The following ST3GAL3 variants were observed in gnomAD, a reference collection of about 807,000 sequenced individuals.
ST3GAL3 encodes CMP-N-acetylneuraminate-beta-1,4-galactoside alpha-2,3-sialyltransferase.
ST3GAL3 carries 21 observed loss-of-function variants against 50.1 expected under a neutral mutation model. The ratio of observed to expected loss-of-function variants is 0.42; its 90% CI spans 0.30 to 0.60. ST3GAL3 has a LOEUF of 0.60. Among genes scored for constraint, ST3GAL3 ranks in the 20% least tolerant of loss-of-function variants. The pLI, the probability that ST3GAL3 is intolerant of heterozygous loss-of-function variation, is 0.19. For missense variants in ST3GAL3, 353 were observed against 489.4 expected, an observed-to-expected ratio of 0.72 and a Z score of 2.63; for synonymous variants, 183 against 190.0, an observed-to-expected ratio of 0.96 and a Z score of 0.30.
At chr1:43,857,469 CTCCTTCCTTCCT>C (rs5773815) in intron 5 of ST3GAL3, among the ~76,000 whole-genome samples, 1 of 129,330 alleles carries the variant, frequency 7.7e-6, no homozygotes, top group Non-Finnish European at 1.7e-5. Context: ...GTGTATTTCC[CTCCTTCCTTCCT>C]TCCTTCCTTC....
At chr1:43,911,056 AC>A (rs2080728014) in intron 9 of ST3GAL3, 1 of 152,030 alleles carries the variant, frequency 6.6e-6, no homozygotes, top group Non-Finnish European at 1.5e-5. Flanking sequence ...CTCTGTGCGT[AC>A]CCTAAGCCCA....
chr1:43,723,308 C>T (rs1475143596), intron 1 of ST3GAL3, among the ~76,000 whole-genome samples: 1 of 151,278 alleles, frequency 6.6e-6, no homozygotes, highest in Non-Finnish European at 1.5e-5. Context: ...GGGATTTCAC[C>T]ATGTTGGCCA....
intron 1 of ST3GAL3, among the ~76,000 whole-genome samples, chr1:43,722,508 G>C (rs1670965727): frequency 6.6e-6 from 1 of 152,228 alleles, no homozygotes; most frequent in Admixed American, 6.5e-5. Context: ...ATTGGCTGCT[G>C]TGTGGAGAAT....
chr1:43,752,618 A>G (rs911890130), intron 2 of ST3GAL3, among the ~76,000 whole-genome samples: 3 of 151,974 alleles, frequency 2.0e-5, no homozygotes, highest in Non-Finnish European at 4.4e-5. Flanking sequence ...CTCCCATCTC[A>G]TCCTCCCATG....
chr1:43,807,417 A>AAAATAAATAAATAAAT (rs59894927), intron 3 of ST3GAL3, among the ~76,000 whole-genome samples: 17,282 of 142,484 alleles, frequency 0.12, 1,140 homozygotes, highest in Non-Finnish European at 0.13. Context: ...CTCTGTCTCA[A>AAAATAAATAAATAAAT]AAATAAATAA....
At chr1:43,728,225 C>G (rs1673888343) in intron 1 of ST3GAL3, among the ~76,000 whole-genome samples, 2 of 152,050 alleles carry the variant, frequency 1.3e-5, no homozygotes, top group Admixed American at 1.3e-4. Flanking sequence ...ATGGCTGCAC[C>G]CTGCTTCTTG....
At chr1:43,862,893 G>A (rs2070363944) in intron 5 of ST3GAL3, among the ~76,000 whole-genome samples, 1 of 152,130 alleles carries the variant, frequency 6.6e-6, no homozygotes, top group African/African-American at 2.4e-5. Flanking sequence ...TCCAGCCTGG[G>A]TGACCGTGTG....
intron 6 of ST3GAL3, among the ~76,000 whole-genome samples, chr1:43,895,203 C>T (rs1335952897): frequency 6.6e-6 from 1 of 152,152 alleles, no homozygotes; most frequent in Non-Finnish European, 1.5e-5. Flanking sequence ...TCTATCAGCC[C>T]ATCCTGATAT....
chr1:43,740,795 A>G (rs1680544737), intron 2 of ST3GAL3, among the ~76,000 whole-genome samples: 1 of 151,706 alleles, frequency 6.6e-6, no homozygotes, highest in Non-Finnish European at 1.5e-5. Flanking sequence ...TAACCTGGGC[A>G]ACAGCATGAA....
At chr1:43,843,659 T>G (rs2065781207) in intron 5 of ST3GAL3, among the ~76,000 whole-genome samples, 1 of 152,234 alleles carries the variant, frequency 6.6e-6, no homozygotes, top group Admixed American at 6.5e-5. Context: ...TGGTAATATT[T>G]TTTATGAAAT....
chr1:43,757,631 C>A (rs1027175059), intron 2 of ST3GAL3, among the ~76,000 whole-genome samples: 1 of 152,066 alleles, frequency 6.6e-6, no homozygotes, highest in African/African-American at 2.4e-5. Context: ...TCACCATGTA[C>A]AAAATTAACT....
intron 2 of ST3GAL3, among the ~76,000 whole-genome samples, chr1:43,750,164 T>G (rs1362866469): frequency 1.3e-5 from 2 of 152,200 alleles, no homozygotes; most frequent in Non-Finnish European, 2.9e-5. Flanking sequence ...TCACACCCAT[T>G]AGAATTGCTG....
chr1:43,775,819 C>T (rs1371867027), intron 2 of ST3GAL3, among the ~76,000 whole-genome samples: 2 of 151,718 alleles, frequency 1.3e-5, no homozygotes, highest in Non-Finnish European at 2.9e-5. Context: ...TTATTTTCTC[C>T]TCAATATAAT....
intron 2 of ST3GAL3, among the ~76,000 whole-genome samples, chr1:43,778,739 G>A (rs1698268449): frequency 7.4e-6 from 1 of 134,924 alleles, no homozygotes; most frequent in Non-Finnish European, 1.5e-5. Flanking sequence ...TCCGCCTCCC[G>A]GGTTCACGCC....
At chr1:43,763,145 T>C (rs1691191398) in intron 2 of ST3GAL3, among the ~76,000 whole-genome samples, 1 of 152,172 alleles carries the variant, frequency 6.6e-6, no homozygotes, top group Non-Finnish European at 1.5e-5. Flanking sequence ...GCAATTAGAA[T>C]GTTTACCAGT....
rs527829256 is a variant in ST3GAL3 at position 43,927,055 on chromosome 1, C to T, written c.1039-3077C>T. On this transcript the variant is annotated intron_variant, in intron 11 of 11. Coordinates refer to ENST00000347631, the MANE Select transcript of ST3GAL3 (RefSeq NM_006279.5). ...CCATAAATACTTCATTCAGGCCGGGCGTGGTGGCTCACGCCTGTAATCTCA... is the reference window on the plus strand; with the variant it reads ...CCATAAATACTTCATTCAGGCCGGGTGTGGTGGCTCACGCCTGTAATCTCA... 2.6e-5 allele frequency among the ~76,000 whole-genome samples: 4 copies of T among 152,246 alleles called. No individual in the cohort carries two copies. In the East Asian group the frequency reaches 7.7e-4, roughly 29 times the overall value.
chr1:43,921,338 T>C, intron 11 of ST3GAL3: 1 of 475,420 alleles, frequency 2.1e-6, no homozygotes, highest in Non-Finnish European at 3.7e-6. Flanking sequence ...AGCCAAGCAC[T>C]GCAGCTCTTC....
intron 5 of ST3GAL3, among the ~76,000 whole-genome samples, chr1:43,882,642 G>A (rs2075333172): frequency 6.6e-6 from 1 of 152,210 alleles, no homozygotes; most frequent in African/African-American, 2.4e-5. Flanking sequence ...GGGCCAGATA[G>A]TAGATGTTTT....
At chr1:43,916,058 G>T (rs1477080929) in intron 9 of ST3GAL3, among the ~76,000 whole-genome samples, 1 of 152,226 alleles carries the variant, frequency 6.6e-6, no homozygotes, top group Non-Finnish European at 1.5e-5. Flanking sequence ...GATGGAGGTT[G>T]CAGTGAGCTG....
Sources: allele counts gnomAD v4.1 joint callset (sites outside exome capture counted in the v4.1 genomes callset), GRCh38; gene constraint gnomAD v4.1.1; transcripts MANE v1.5; gene names NCBI Gene and HGNC (gene_info 2026-07-23, HGNC 2026-07-21).